JMJD1C: variants seen among roughly 807,000 people sequenced by gnomAD.
The protein encoded by JMJD1C is jumonji domain-containing protein 1C.
In JMJD1C, 31 loss-of-function variants were observed where a neutral mutation model predicts 245.3. The ratio of observed to expected loss-of-function variants is 0.13; its 90% CI spans 0.09 to 0.17. The LOEUF is 0.17. JMJD1C is among the 10% of genes least tolerant of loss of function. The probability of loss-of-function intolerance (pLI) is 1.00; values close to 1 mark genes in which losing one functional copy is unlikely to be tolerated. For synonymous variants in JMJD1C, 1,057 were observed against 1,017.4 expected (o/e 1.04, Z -0.74); for missense variants, 2,691 against 3,000.2 (o/e 0.90, Z 2.41).
At chr10:63,327,965 C>T (rs879379488) in intron 2 of JMJD1C, among the ~76,000 whole-genome samples, 49 of 152,036 alleles carry the variant, frequency 3.2e-4, no homozygotes, top group African/African-American at 1.1e-3. Flanking sequence ...CCACCATGCC[C>T]GGCTGAAATT....
At chr10:63,217,873 T>C (rs1848177319) in intron 4 of JMJD1C, among the ~76,000 whole-genome samples, 1 of 152,124 alleles carries the variant, frequency 6.6e-6, no homozygotes, top group South Asian at 2.1e-4. Flanking sequence ...CGAAATATGG[T>C]ACACTTTTGT....
chr10:63,472,523 G>T (rs1199491139), intron 1 of JMJD1C, among the ~76,000 whole-genome samples: 2 of 151,928 alleles, frequency 1.3e-5, no homozygotes, highest in Non-Finnish European at 2.9e-5. Context: ...GTAGAGACGG[G>T]GTTTCACTGT....
intron 24 of JMJD1C, among the ~76,000 whole-genome samples, chr10:63,174,631 C>T (rs543694086): frequency 2.9e-4 from 44 of 152,156 alleles, no homozygotes; most frequent in South Asian, 1.9e-3. Flanking sequence ...GTCAGGAGTT[C>T]GAGACCAGCC....
chr10:63,463,196 ACT>A (rs1300284866), intron 1 of JMJD1C, among the ~76,000 whole-genome samples: 2 of 152,054 alleles, frequency 1.3e-5, no homozygotes, highest in African/African-American at 4.8e-5. Context: ...ACAGGATCTC[ACT>A]CTGTCGCCCA....
chr10:63,270,518 G>A (rs1054888114), intron 2 of JMJD1C, among the ~76,000 whole-genome samples: 1 of 151,914 alleles, frequency 6.6e-6, no homozygotes, highest in African/African-American at 2.4e-5. Flanking sequence ...CCAGGCTAGA[G>A]TGCAGTGGCG....
intron 1 of JMJD1C, among the ~76,000 whole-genome samples, chr10:63,448,356 C>G (rs1422354194): frequency 1.3e-5 from 2 of 152,060 alleles, no homozygotes; most frequent in African/African-American, 4.8e-5. Flanking sequence ...GAGGTTTCAT[C>G]ATGTTGGCCA....
In JMJD1C at chr10:63,189,209, T is replaced by G. The variant is rs1295410858; in HGVS notation, c.6529A>C (p.Ser2177Arg). ...CATTCTTTGAAAAGCTTCCAATTAC[T>G]GCTATTCTTATAATCCTTAAGCCAT... ...ILWLKDYKNS[S>R]NWKLFKECWK... Residue 2177 changes from serine to arginine, a missense_variant, in exon 18 of 26, where the codon AGT becomes CGT. By Grantham distance (110) the Ser-to-Arg change is moderately radical (BLOSUM62 -1). This residue lies in a region of JMJD1C where 232 missense variants were observed against 416.1 expected (regional missense o/e 0.56). Coordinates refer to ENST00000399262, the MANE Select transcript of JMJD1C (RefSeq NM_032776.3). 3 of 1,612,306 alleles carry G rather than the reference T, an allele frequency of 1.9e-6. No homozygotes were observed.
chr10:63,279,829 A>G (rs1857199969), intron 2 of JMJD1C, among the ~76,000 whole-genome samples: 2 of 152,188 alleles, frequency 1.3e-5, no homozygotes, highest in Admixed American at 1.3e-4. Flanking sequence ...TATTACATAT[A>G]CATTTTTAAA....
chr10:63,335,773 A>G (rs1942659843), intron 2 of JMJD1C, among the ~76,000 whole-genome samples: 1 of 151,838 alleles, frequency 6.6e-6, no homozygotes, highest in African/African-American at 2.4e-5. Flanking sequence ...GGCCTCCCGA[A>G]GTGTTGAGAT....
chr10:63,461,224 A>T (rs117454202), intron 1 of JMJD1C, among the ~76,000 whole-genome samples: 3,535 of 152,324 alleles, frequency 0.023, 66 homozygotes, highest in Middle Eastern at 0.078. Context: ...CTTACATCAG[A>T]CATAGAAGTC....
intron 1 of JMJD1C, among the ~76,000 whole-genome samples, chr10:63,475,696 TCCAAGGCC>T (rs2133166704): frequency 6.6e-6 from 1 of 152,220 alleles, no homozygotes; most frequent in Admixed American, 6.5e-5. Flanking sequence ...CTAAACAGCA[TCCAAGGCC>T]CCATGCCCAC....
intron 3 of JMJD1C, among the ~76,000 whole-genome samples, chr10:63,246,343 G>A (rs1424254246): frequency 6.6e-6 from 1 of 152,000 alleles, no homozygotes; most frequent in Admixed American, 6.6e-5. Flanking sequence ...TAAAAACATA[G>A]AGATTCAATT....
At chr10:63,505,710 G>A (rs1190499754) in intron 1 of JMJD1C, among the ~76,000 whole-genome samples, 8 of 151,830 alleles carry the variant, frequency 5.3e-5, no homozygotes, top group African/African-American at 1.5e-4. Context: ...AGCATAGGCT[G>A]TACAAACAAT....
intron 3 of JMJD1C, among the ~76,000 whole-genome samples, chr10:63,253,399 T>A (rs1451861097): frequency 3.9e-5 from 6 of 152,052 alleles, no homozygotes; most frequent in African/African-American, 1.4e-4. Flanking sequence ...TTTTTTTTTT[T>A]TTGAGACGAA....
chr10:63,212,346 G>A (rs1323185748), intron 8 of JMJD1C, among the ~76,000 whole-genome samples: 1 of 152,142 alleles, frequency 6.6e-6, no homozygotes, highest in Non-Finnish European at 1.5e-5. Flanking sequence ...CAAAAACAAG[G>A]TGTTAAAAAG....
intron 8 of JMJD1C, among the ~76,000 whole-genome samples, chr10:63,212,152 T>C (rs1847438590): frequency 6.6e-6 from 1 of 152,164 alleles, no homozygotes; most frequent in Non-Finnish European, 1.5e-5. Flanking sequence ...AGAAAGGTGG[T>C]TGCCAAGGGC....
At chr10:63,176,700 T>C in intron 23 of JMJD1C, 1 of 429,938 alleles carries the variant, frequency 2.3e-6, no homozygotes, top group Non-Finnish European at 4.2e-6. Context: ...GTTTACTACT[T>C]CCTTCTCACC....
At chr10:63,259,899 T>A (rs1854475086) in intron 3 of JMJD1C, among the ~76,000 whole-genome samples, 1 of 152,214 alleles carries the variant, frequency 6.6e-6, no homozygotes, top group East Asian at 1.9e-4. Context: ...CAGCTCATTA[T>A]GATACAGAAC....
intron 1 of JMJD1C, among the ~76,000 whole-genome samples, chr10:63,437,338 T>C (rs1951114259): frequency 6.6e-6 from 1 of 152,180 alleles, no homozygotes; most frequent in South Asian, 2.1e-4. Flanking sequence ...TCAGCTGCTA[T>C]TTCACTAAAA....
Sources: allele counts gnomAD v4.1 joint callset (sites outside exome capture counted in the v4.1 genomes callset), GRCh38; gene constraint gnomAD v4.1.1; regional missense constraint gnomAD v4.1.1; transcripts MANE v1.5; gene names NCBI Gene and HGNC (gene_info 2026-07-23, HGNC 2026-07-21).